The following SCUBE1 variants were observed in gnomAD, a reference collection of about 807,000 sequenced individuals.
The protein encoded by SCUBE1 is signal peptide, CUB domain and EGF like domain containing 1, also known as signal peptide, CUB and EGF-like domain-containing protein 1.
Under a neutral mutation model 124.4 loss-of-function variants are expected in SCUBE1, and 59 were observed. The observed-to-expected ratio is 0.47, with a 90% CI of 0.38 to 0.59. The LOEUF (loss-of-function observed/expected upper bound fraction) is 0.59. SCUBE1 is among the 20% of genes least tolerant of loss of function. The pLI, the probability that SCUBE1 is intolerant of heterozygous loss-of-function variation, is 0.00. For synonymous variants in SCUBE1, 545 were observed against 550.9 expected, an observed-to-expected ratio of 0.99 and a Z score of 0.15; for missense variants, 1,150 against 1,371.2, an observed-to-expected ratio of 0.84 and a Z score of 2.55.
rs779320491 is a variant in SCUBE1 at position 43,223,131 on chromosome 22, G to A, written c.1293C>T (p.Phe431=). The change falls in exon 11 of 22, where the codon TTC becomes TTT. Residue 431 remains phenylalanine, a synonymous_variant. Transcript: ENST00000360835. ...CSKAGGVESC[F]LSCPAHTLFV... is the part of the protein sequence containing the mutation. The stretch of plus-strand genomic sequence containing the variant: ...AGAGTGTGTGAGCCGGGCAGGAAAG[G>A]AAGCAGCTCTCCACACCGCCTGCCT... The A allele has an allele frequency of 7.7e-6, 12 of 1,558,136 alleles. No individual in the cohort carries two copies. In the East Asian group the frequency reaches 2.6e-4, roughly 34 times the overall value.
chr22:43,291,505 T>G (rs5759262), intron 3 of SCUBE1, among the ~76,000 whole-genome samples: 116,608 of 150,882 alleles, frequency 0.77, 45,197 homozygotes, highest in East Asian at 0.99. Context: ...GGTCTCCATT[T>G]TGCTGTGCTA....
At position 43,331,264 on chromosome 22, in the gene SCUBE1, A is replaced by C. The variant is rs1402440709; in HGVS notation, c.220+7840T>G. 2.0e-5 allele frequency among the ~76,000 whole-genome samples: 3 copies of C among 152,234 alleles called. No homozygotes were observed. The South Asian group carries it at 6.2e-4, about 32-fold the overall frequency. On this transcript the variant is annotated intron_variant, in intron 2 of 21. Coordinates refer to ENST00000360835, the MANE Select transcript of SCUBE1 (RefSeq NM_173050.5). ...GGAAGTGATTATTTACATTCATTAC[A>C]TACATGCTAATTTTGTGATATCTGA...
intron 21 of SCUBE1, among the ~76,000 whole-genome samples, chr22:43,206,811 G>C (rs1399543809): frequency 2.6e-5 from 4 of 152,142 alleles, no homozygotes; most frequent in African/African-American, 9.7e-5. Flanking sequence ...GAGATTGCGG[G>C]GAGAGAGCCC....
intron 3 of SCUBE1, among the ~76,000 whole-genome samples, chr22:43,304,463 G>C (rs1202755914): frequency 6.6e-6 from 1 of 152,196 alleles, no homozygotes; most frequent in Non-Finnish European, 1.5e-5. Flanking sequence ...GAGCCCTGCA[G>C]GACAAGAAGA....
Position 43,319,970 on chromosome 22 carries a change from A to G in SCUBE1, c.316T>C (p.Phe106Leu), listed in dbSNP as rs776657553. The change falls in exon 3 of 22, where the codon TTC becomes CTC. Residue 106 changes from phenylalanine (F) to leucine (L), a missense_variant. By Grantham distance (22) the Phe-to-Leu change is conservative. Coordinates refer to ENST00000360835, the MANE Select transcript of SCUBE1 (RefSeq NM_173050.5). ...GNYRCTCFDG[F>L]MLAHDGHNCL... ...TTGTGTCCATCGTGTGCCAGCATGA[A>G]GCCATCAAAGCAGGTACACCTGTAG... is the stretch of plus-strand genomic sequence containing the variant. The G allele has an allele frequency of 6.2e-7, 1 of 1,614,168 alleles. No homozygotes were observed. The highest frequency in any genetic ancestry group is 8.5e-7 in the Non-Finnish European group (1 of 1,180,020).
chr22:43,276,322 G>A (rs192622599), intron 4 of SCUBE1, among the ~76,000 whole-genome samples: 88 of 152,318 alleles, frequency 5.8e-4, no homozygotes, highest in African/African-American at 2.0e-3. Context: ...AGCCAGGATC[G>A]GGGGCTGAGG....
chr22:43,287,245 T>C lies in SCUBE1; in HGVS notation c.484+3801A>G, dbSNP rs543042667. Reference sequence around the variant, plus strand: ...TGTGGGCACAGAGGAGGAGCCTGTGTGTGTCCCCCAAATCAAGCCTGTGTT... The same window carrying C: ...TGTGGGCACAGAGGAGGAGCCTGTGCGTGTCCCCCAAATCAAGCCTGTGTT... On this transcript the variant is annotated intron_variant, in intron 4 of 21. Coordinates refer to ENST00000360835, the MANE Select transcript of SCUBE1 (RefSeq NM_173050.5). 1.8e-4 allele frequency among the ~76,000 whole-genome samples: 27 copies of C among 152,346 alleles called. 2 individuals are homozygous for C. In the South Asian group the frequency reaches 5.6e-3, roughly 32 times the overall value.
chr22:43,286,680 C>A (rs866631430), intron 4 of SCUBE1, among the ~76,000 whole-genome samples: 1 of 152,218 alleles, frequency 6.6e-6, no homozygotes, highest in Non-Finnish European at 1.5e-5. Context: ...ACTCTTAGGA[C>A]CCCTACTTAG....
At chr22:43,282,575 C>A (rs1157749119) in intron 4 of SCUBE1, 1 of 152,242 alleles carries the variant, frequency 6.6e-6, no homozygotes, top group Non-Finnish European at 1.5e-5. Context: ...AATCTCCCCC[C>A]TTAATCCTCC....
intron 4 of SCUBE1, among the ~76,000 whole-genome samples, chr22:43,281,560 C>CCTCAGCCACCCTCCTGTCACCTCCCTT (rs1487612819): frequency 8.3e-5 from 10 of 120,384 alleles, no homozygotes; most frequent in African/African-American, 3.1e-4. Flanking sequence ...GTCACCTCCC[C>CCTCAGCCACCCTCCTGTCACCTCCCTT]CTCAGCCACC....
At chr22:43,215,622 T>A (rs1349216381) in intron 15 of SCUBE1, among the ~76,000 whole-genome samples, 1 of 152,196 alleles carries the variant, frequency 6.6e-6, no homozygotes, top group Admixed American at 6.5e-5. Context: ...CTGAGGTTCC[T>A]GCTGGACCCT....
At position 43,339,191 on chromosome 22, in the gene SCUBE1, G is replaced by A; in HGVS notation, c.133C>T (p.His45Tyr). Residue 45 changes from histidine (H) to tyrosine (Y), a missense_variant, in exon 2 of 22, where the codon CAC (histidine) becomes TAC (tyrosine). Physicochemically the swap from His to Tyr is moderately conservative, Grantham distance 83 (BLOSUM62 2). Transcript: ENST00000360835. ...GTGTTCTGACAGATGGCATCGATGTGGCAGTCATCTGTGCCCTCTGAGCAC... is the reference window on the plus strand; with the variant it reads ...GTGTTCTGACAGATGGCATCGATGTAGCAGTCATCTGTGCCCTCTGAGCAC... ...DECSEGTDDC[H>Y]IDAICQNTPK... The A allele has an allele frequency of 1.9e-6, 3 of 1,613,802 alleles. No individual in the cohort carries two copies. The highest frequency in any genetic ancestry group is 2.5e-6 in the Non-Finnish European group (3 of 1,179,758).
chr22:43,279,369 C>G (rs1924668428), intron 4 of SCUBE1, among the ~76,000 whole-genome samples: 1 of 152,204 alleles, frequency 6.6e-6, no homozygotes, highest in African/African-American at 2.4e-5. Flanking sequence ...GGCCTCACCT[C>G]CAACCACTTA....
chr22:43,260,387 G>A (rs1296375944), intron 5 of SCUBE1, among the ~76,000 whole-genome samples: 1 of 152,236 alleles, frequency 6.6e-6, no homozygotes, highest in Non-Finnish European at 1.5e-5. Flanking sequence ...TAGAAGGATG[G>A]AGAAAACCTC....
At chr22:43,250,998 T>G (rs1007756995) in intron 6 of SCUBE1, among the ~76,000 whole-genome samples, 3 of 152,234 alleles carry the variant, frequency 2.0e-5, no homozygotes, top group African/African-American at 7.2e-5. Context: ...GCCTCCCTTC[T>G]CAGGGCCTCA....
chr22:43,284,732 T>A (rs2146743979), intron 4 of SCUBE1, among the ~76,000 whole-genome samples: 1 of 152,096 alleles, frequency 6.6e-6, no homozygotes, highest in African/African-American at 2.4e-5. Flanking sequence ...AAGCATGCAT[T>A]GGATGCAGCT....
intron 6 of SCUBE1, among the ~76,000 whole-genome samples, chr22:43,251,024 A>G (rs1923425017): frequency 1.3e-5 from 2 of 152,152 alleles, no homozygotes; most frequent in Admixed American, 1.3e-4. Flanking sequence ...TTCATCTGTG[A>G]AGTGGGGATA....
chr22:43,258,433 T>C lies in SCUBE1; in HGVS notation c.611-98A>G. The C allele has an allele frequency of 2.3e-6, 2 of 881,822 alleles. No homozygotes were observed. The highest frequency in any genetic ancestry group is 3.8e-6 in the Non-Finnish European group (2 of 522,708). The allele number at this position is 881,822 out of a possible 1,614,324, so 54.6% of individuals were successfully genotyped here. On this transcript the variant is annotated intron_variant, in intron 5 of 21. Transcript: ENST00000360835. This position sits in a 1 kb window ranked among gnomAD's most constrained non-coding sequence, Gnocchi z 5.0. ...GGCTGCCTTCAGGGTATGGGGAAAC[T>C]GAGGCCTAAGGGCATCAGTGGGTAG...
chr22:43,334,330 T>C (rs2146799435), intron 2 of SCUBE1, among the ~76,000 whole-genome samples: 1 of 152,386 alleles, frequency 6.6e-6, no homozygotes, highest in African/African-American at 2.4e-5. Flanking sequence ...ATGACACACC[T>C]GACTGTTCAC....
Sources: allele counts gnomAD v4.1 joint callset (sites outside exome capture counted in the v4.1 genomes callset), GRCh38; gene constraint gnomAD v4.1.1; non-coding constraint Gnocchi (gnomAD v3.1); transcripts MANE v1.5; gene names NCBI Gene and HGNC (gene_info 2026-07-23, HGNC 2026-07-21).